The following NCKAP5 variants were observed in gnomAD, a reference collection of about 807,000 sequenced individuals.
NCKAP5 encodes the protein NCK associated protein 5.
In NCKAP5, 92 loss-of-function variants were observed where a neutral mutation model predicts 167.0. The ratio of observed to expected loss-of-function variants is 0.55; its 90% confidence interval spans 0.47 to 0.66. The LOEUF (loss-of-function observed/expected upper bound fraction) is 0.66, where lower values mean the gene tolerates loss of function less well. NCKAP5 is among the 30% of genes least tolerant of loss of function. The probability of loss-of-function intolerance (pLI) is 0.00; values close to 1 mark genes in which losing one functional copy is unlikely to be tolerated. For missense variants in NCKAP5, 2,378 were observed against 2,315.0 expected, an observed-to-expected ratio of 1.03 and a Z score of -0.56; for synonymous variants, 891 against 877.4, an observed-to-expected ratio of 1.02 and a Z score of -0.27.
chr2:132,928,642 G>A (rs909078042), intron 8 of NCKAP5, among the ~76,000 whole-genome samples: 1 of 152,134 alleles, frequency 6.6e-6, no homozygotes, highest in African/African-American at 2.4e-5. Flanking sequence ...AGACAAATGA[G>A]CTACCAGAGG....
chr2:133,633,375 T>C, the NCKAP5 span, among the ~76,000 whole-genome samples: 7 of 152,136 alleles, frequency 4.6e-5, no homozygotes, highest in Admixed American at 1.3e-4. Flanking sequence ...CCAACTGGGG[T>C]GGGCATGAGA....
chr2:133,577,801 C>T, the NCKAP5 span, among the ~76,000 whole-genome samples: 1 of 152,126 alleles, frequency 6.6e-6, no homozygotes, highest in Non-Finnish European at 1.5e-5. Context: ...ACTGCAGGAA[C>T]CATCCAGAAT....
chr2:133,112,747 C>T (rs2149722320), intron 6 of NCKAP5, among the ~76,000 whole-genome samples: 1 of 152,240 alleles, frequency 6.6e-6, no homozygotes, highest in South Asian at 2.1e-4. Flanking sequence ...GAGGAGCAGC[C>T]ATTTGGTTTA....
intron 19 of NCKAP5, among the ~76,000 whole-genome samples, chr2:132,674,368 A>G (rs1011607668): frequency 1.3e-5 from 2 of 152,216 alleles, no homozygotes; most frequent in Non-Finnish European, 2.9e-5. Flanking sequence ...TATTTGCCCA[A>G]GGTTGCCCAG....
intron 2 of NCKAP5, among the ~76,000 whole-genome samples, chr2:133,521,742 C>T (rs545220151): frequency 1.3e-5 from 2 of 152,266 alleles, no homozygotes; most frequent in Admixed American, 6.5e-5. Flanking sequence ...TAATTACCTC[C>T]TTAAATGCCC....
At chr2:133,075,072 G>T (rs904769417) in intron 6 of NCKAP5, among the ~76,000 whole-genome samples, 1 of 152,032 alleles carries the variant, frequency 6.6e-6, no homozygotes, top group African/African-American at 2.4e-5. Flanking sequence ...TAATAAAATG[G>T]TTGAAAACCA....
chr2:133,055,485 TATATAGTTTATATATATATGA>T (rs1015868235), intron 6 of NCKAP5, among the ~76,000 whole-genome samples: 13 of 149,758 alleles, frequency 8.7e-5, no homozygotes, highest in Non-Finnish European at 1.2e-4. Flanking sequence ...TATATATATA[TATATAGTTTATATATATATGA>T]ATAGTTTATA....
chr2:133,623,262 A>G, the NCKAP5 span, among the ~76,000 whole-genome samples: 1 of 152,170 alleles, frequency 6.6e-6, no homozygotes, highest in Non-Finnish European at 1.5e-5. Context: ...ATGACCAATA[A>G]CCCAAAAGCA....
At chr2:133,182,473 G>GT (rs2084780115) in intron 5 of NCKAP5, among the ~76,000 whole-genome samples, 1 of 152,104 alleles carries the variant, frequency 6.6e-6, no homozygotes, top group Non-Finnish European at 1.5e-5. Context: ...TAAAAAATAA[G>GT]AGACCAGTAA....
chr2:133,477,305 A>G (rs1680007138), intron 3 of NCKAP5, among the ~76,000 whole-genome samples: 1 of 152,188 alleles, frequency 6.6e-6, no homozygotes, highest in Non-Finnish European at 1.5e-5. Flanking sequence ...ATGAACTCTG[A>G]CTATTGCTTT....
chr2:132,671,890 GATAAA>G lies in NCKAP5; in HGVS notation c.*1394_*1398del, dbSNP rs1366795319. 3.3e-5 allele frequency: 5 copies of G among 152,554 alleles called. No individual in the cohort carries two copies. The highest frequency in any genetic ancestry group is 7.3e-5 in the Non-Finnish European group (5 of 68,030). 9.5% of individuals were successfully genotyped at this position (152,554 alleles called of 1,614,324 possible). A position where few individuals can be genotyped will look rare whatever the true frequency, so the allele number is the denominator to read the frequency against. On this transcript the variant is annotated 3_prime_UTR_variant, in exon 20 of 20. Coordinates refer to ENST00000409261, the MANE Select transcript of NCKAP5 (RefSeq NM_207363.3). ...GACATTTTACATAATTTTCATTTAA[GATAAA>G]ATAAAACAAATTGCACAAATTAACC... is the stretch of plus-strand genomic sequence containing the variant.
chr2:132,683,164 G>C (rs188359550), intron 19 of NCKAP5, among the ~76,000 whole-genome samples: 294 of 152,106 alleles, frequency 1.9e-3, no homozygotes, highest in African/African-American at 6.7e-3. Flanking sequence ...GATTACAGGC[G>C]TGAACCACCG....
intron 3 of NCKAP5, among the ~76,000 whole-genome samples, chr2:133,403,053 G>A (rs1291815452): frequency 6.6e-6 from 1 of 152,130 alleles, no homozygotes; most frequent in Non-Finnish European, 1.5e-5. Flanking sequence ...AGCTCCAGGT[G>A]GCACACCACT....
chr2:133,158,117 T>A (rs1273455917), intron 5 of NCKAP5, among the ~76,000 whole-genome samples: 2 of 152,252 alleles, frequency 1.3e-5, no homozygotes, highest in South Asian at 4.1e-4. Context: ...CGGACACTTG[T>A]CCTTTAGGAA....
chr2:133,670,498 A>G, the NCKAP5 span, among the ~76,000 whole-genome samples: 1 of 152,236 alleles, frequency 6.6e-6, no homozygotes, highest in Admixed American at 6.5e-5. Flanking sequence ...CTTATTATAA[A>G]CCACAGACTT....
chr2:133,424,438 G>T (rs1222052310), intron 3 of NCKAP5, among the ~76,000 whole-genome samples: 1 of 152,176 alleles, frequency 6.6e-6, no homozygotes, highest in Non-Finnish European at 1.5e-5. Flanking sequence ...TACGCATCTT[G>T]TCTGAGCCAG....
chr2:132,713,302 G>A (rs1225273865), intron 19 of NCKAP5, among the ~76,000 whole-genome samples: 1 of 152,148 alleles, frequency 6.6e-6, no homozygotes, highest in Non-Finnish European at 1.5e-5. Flanking sequence ...AGAGACTGCT[G>A]AATACTGAAG....
chr2:133,119,742 G>A (rs1429985728), intron 6 of NCKAP5, among the ~76,000 whole-genome samples: 1 of 152,042 alleles, frequency 6.6e-6, no homozygotes, highest in Non-Finnish European at 1.5e-5. Context: ...GGAACAGAAA[G>A]AGTGTGTGAC....
intron 12 of NCKAP5, among the ~76,000 whole-genome samples, chr2:132,790,688 T>C (rs1263116771): frequency 1.3e-5 from 2 of 152,226 alleles, no homozygotes; most frequent in Non-Finnish European, 2.9e-5. Context: ...GCTCAGATCC[T>C]GGCTCTGCCT....
Sources: gnomAD v4.1 joint callset for allele counts (sites outside exome capture counted in the v4.1 genomes callset) on GRCh38, gnomAD v4.1.1 for gene constraint, MANE v1.5 for transcripts, NCBI Gene and HGNC (gene_info 2026-07-23, HGNC 2026-07-21) for gene names.